Variants in PCBD2 observed in about 807,000 individuals in gnomAD.
The protein encoded by PCBD2 is pterin-4-alpha-carbinolamine dehydratase 2.
In PCBD2, 12 loss-of-function variants were observed where a neutral mutation model predicts 16.4. That is an observed-to-expected ratio of 0.73 (90% CI 0.47 to 1.19). The LOEUF (loss-of-function observed/expected upper bound fraction) is 1.19, where lower values mean the gene tolerates loss of function less well. PCBD2 is among the 50% of genes most tolerant of loss of function. PCBD2 has a pLI of 0.00. For missense variants in PCBD2, 138 were observed against 156.8 expected (o/e 0.88, Z 0.64); for synonymous variants, 58 against 61.8 (o/e 0.94, Z 0.29).
At chr5:134,917,601 A>AT (rs1750849483) in intron 2 of PCBD2, among the ~76,000 whole-genome samples, 1 of 152,222 alleles carries the variant, frequency 6.6e-6, no homozygotes, top group African/African-American at 2.4e-5. Context: ...GGATGGAATC[A>AT]TATGAGCTGG....
intron 2 of PCBD2, among the ~76,000 whole-genome samples, chr5:134,947,970 C>T (rs1328306036): frequency 2.0e-5 from 3 of 152,130 alleles, no homozygotes; most frequent in African/African-American, 7.2e-5. Flanking sequence ...AGAAAACCTC[C>T]AACAGGACTT....
At position 134,959,035 on chromosome 5, in the gene PCBD2, T is replaced by C; in HGVS notation, c.217-5T>C. 2 of 1,612,878 alleles carry C rather than the reference T, an allele frequency of 1.2e-6. No homozygotes were observed. Among genetic ancestry groups the C allele is most frequent in the Non-Finnish European group, 1.7e-6 (2 of 1,178,966 alleles). ...AGTAATTACTCTTGACTTCATCTTA[T>C]GCAGGCATTTGGCTTTATGTCCCGA... On this transcript the variant is annotated splice_polypyrimidine_tract_variant and splice_region_variant and intron_variant, in intron 2 of 3. Transcript: ENST00000254908.
intron 2 of PCBD2, among the ~76,000 whole-genome samples, chr5:134,948,744 C>G (rs1751327376): frequency 6.9e-6 from 1 of 145,718 alleles, no homozygotes; most frequent in Non-Finnish European, 1.5e-5. Flanking sequence ...TTAAAAGGCT[C>G]TAAAATGCTA....
intron 1 of PCBD2, among the ~76,000 whole-genome samples, chr5:134,906,242 C>T (rs1415699534): frequency 8.2e-6 from 1 of 122,054 alleles, no homozygotes; most frequent in African/African-American, 3.2e-5. Context: ...ATCACGCCGT[C>T]ACCCAGGCTG....
At chr5:134,948,424 G>A (rs189410144) in intron 2 of PCBD2, among the ~76,000 whole-genome samples, 1 of 152,212 alleles carries the variant, frequency 6.6e-6, no homozygotes, top group East Asian at 1.9e-4. Flanking sequence ...AGGGCCTTTT[G>A]GTAAAATCGT....
At chr5:134,916,616 A>T (rs1042019975) in intron 2 of PCBD2, among the ~76,000 whole-genome samples, 1 of 152,244 alleles carries the variant, frequency 6.6e-6, no homozygotes, top group Non-Finnish European at 1.5e-5. Context: ...AGCCCCCAAA[A>T]CACATTTGAA....
At chr5:134,958,964 G>A (rs901924208) in intron 2 of PCBD2, 76 bp from the exon 3 acceptor site, 2 of 1,128,196 alleles carry the variant, frequency 1.8e-6, no homozygotes, top group Non-Finnish European at 1.3e-6. Flanking sequence ...TTATGTGGTT[G>A]GATTGCTCTG....
intron 2 of PCBD2, chr5:134,926,589 C>T (rs566481691): frequency 1.1e-4 from 43 of 395,776 alleles, no homozygotes; most frequent in African/African-American, 2.9e-4. Context: ...TGCGCTTTCT[C>T]GGTAAATAAG....
At chr5:134,911,823 C>T (rs895245576) in intron 2 of PCBD2, among the ~76,000 whole-genome samples, 6 of 152,228 alleles carry the variant, frequency 3.9e-5, no homozygotes, top group South Asian at 2.1e-4. Flanking sequence ...CGCTGCCCCA[C>T]GTGCTCAACA....
rs745627366 is a variant in PCBD2, at chr5:134,954,746, C to CT, written c.217-4281dup. On this transcript the variant is annotated intron_variant, in intron 2 of 3. Coordinates refer to ENST00000254908, the MANE Select transcript of PCBD2 (RefSeq NM_032151.5). ...TGTGAATGTTTGAAGTCAGCAGAAT[C>CT]TTTTTTTTTTTTTGAGACAGGGTTT... Among the ~76,000 whole-genome samples, 365 of 144,336 alleles carry CT rather than the reference C, an allele frequency of 2.5e-3. 1 individual carries two copies. Among genetic ancestry groups the CT allele is most frequent in the East Asian group, 6.0e-3 (30 of 5,006 alleles). The allele number at this position is 144,336 out of a possible 152,430, so 94.7% of individuals were successfully genotyped here. A position where few individuals can be genotyped will look rare whatever the true frequency, so the allele number is the denominator to read the frequency against.
intron 1 of PCBD2, chr5:134,905,537 C>T: frequency 3.8e-6 from 1 of 260,744 alleles, no homozygotes; most frequent in Non-Finnish European, 7.2e-6. Flanking sequence ...AAAGTAGTTG[C>T]AGAACAATTC....
rs111561841 is a variant in PCBD2, at chr5:134,932,887, A to G, written c.216+22421A>G. 7.5e-3 allele frequency among the ~76,000 whole-genome samples: 1,138 copies of G among 152,262 alleles called. 9 individuals carry two copies. Among genetic ancestry groups the G allele is most frequent in the Non-Finnish European group, 0.011 (755 of 68,022 alleles). On this transcript the variant is annotated intron_variant, in intron 2 of 3. Coordinates refer to ENST00000254908, the MANE Select transcript of PCBD2 (RefSeq NM_032151.5). The stretch of plus-strand genomic sequence containing the variant: ...CTGTGAGCTTTAAATAGAAGGGTTT[A>G]ACATTTATAGGTCACTCATACTCCA...
rs1751472122 is a variant in PCBD2 at position 134,961,272 on chromosome 5, A to T, written c.*591A>T. 1 of 151,326 alleles carries T rather than the reference A, an allele frequency of 6.6e-6. No individual in the cohort carries two copies. Among genetic ancestry groups the T allele is most frequent in the African/African-American group, 2.4e-5 (1 of 41,186 alleles). The allele number at this position is 151,326 out of a possible 1,614,324, so 9.4% of individuals were successfully genotyped here. A position where few individuals can be genotyped will look rare whatever the true frequency, so the allele number is the denominator to read the frequency against. ...CAACCCAGTTACTTATATTAATAAT[A>T]TTCAGAAAGAGAAGTGGCTTTTTTT... On this transcript the variant is annotated 3_prime_UTR_variant, in exon 4 of 4. Coordinates refer to ENST00000254908, the MANE Select transcript of PCBD2 (RefSeq NM_032151.5).
At chr5:134,948,458 G>A (rs1305211153) in intron 2 of PCBD2, among the ~76,000 whole-genome samples, 2 of 152,054 alleles carry the variant, frequency 1.3e-5, no homozygotes, top group Admixed American at 6.5e-5. Context: ...TTTTGTGGAT[G>A]TAAACCCTGC....
chr5:134,939,463 TTA>T (rs1751198997), intron 2 of PCBD2, among the ~76,000 whole-genome samples: 1 of 152,116 alleles, frequency 6.6e-6, no homozygotes, highest in Non-Finnish European at 1.5e-5. Context: ...GAGGGTGTTT[TTA>T]GGGAAATCGG....
intron 2 of PCBD2, among the ~76,000 whole-genome samples, chr5:134,911,026 G>T (rs899073880): frequency 6.6e-6 from 1 of 152,144 alleles, no homozygotes; most frequent in African/African-American, 2.4e-5. Context: ...GGCCTCAAGC[G>T]ATCCTCCTGC....
chr5:134,922,435 C>T (rs1187817729), intron 2 of PCBD2, among the ~76,000 whole-genome samples: 3 of 152,134 alleles, frequency 2.0e-5, no homozygotes, highest in East Asian at 1.9e-4. Context: ...TGTTCACATC[C>T]CACCTATTTC....
At chr5:134,913,935 G>A (rs1750798454) in intron 2 of PCBD2, among the ~76,000 whole-genome samples, 1 of 152,146 alleles carries the variant, frequency 6.6e-6, no homozygotes, top group Non-Finnish European at 1.5e-5. Flanking sequence ...AAGATGGGGT[G>A]CAAGGTGGGG....
chr5:134,908,612 C>T (rs1238536592), intron 1 of PCBD2, among the ~76,000 whole-genome samples: 1 of 147,814 alleles, frequency 6.8e-6, no homozygotes, highest in East Asian at 2.0e-4. Flanking sequence ...TTGCAGTGAG[C>T]TGAGATCACA....
Sources: gnomAD v4.1 joint callset for allele counts (sites outside exome capture counted in the v4.1 genomes callset) on GRCh38, gnomAD v4.1.1 for gene constraint, MANE v1.5 for transcripts, NCBI Gene and HGNC (gene_info 2026-07-23, HGNC 2026-07-21) for gene names.